The following SLC25A21 variants were observed in gnomAD, a reference collection of about 807,000 sequenced individuals.
SLC25A21 encodes the protein solute carrier family 25 member 21, also known as mitochondrial 2-oxodicarboxylate carrier.
SLC25A21 carries 47 observed loss-of-function variants against 43.8 expected under a neutral mutation model. The observed-to-expected ratio is 1.07, with a 90% CI of 0.85 to 1.37. SLC25A21 has a LOEUF of 1.37. SLC25A21 is among the 40% of genes most tolerant of loss of function. The pLI, the probability that SLC25A21 is intolerant of heterozygous loss-of-function variation, is 0.00. For synonymous variants in SLC25A21, 131 were observed against 121.3 expected, an observed-to-expected ratio of 1.08 and a Z score of -0.52; for missense variants, 352 against 350.2, an observed-to-expected ratio of 1.00 and a Z score of -0.04.
intron 3 of SLC25A21, among the ~76,000 whole-genome samples, chr14:36,803,150 T>C (rs1261175344): frequency 6.6e-6 from 1 of 152,168 alleles, no homozygotes; most frequent in East Asian, 1.9e-4. Flanking sequence ...TATCTCAGAT[T>C]CTGTGGAAAA....
chr14:36,801,285 G>A (rs1233160046), intron 3 of SLC25A21, among the ~76,000 whole-genome samples: 2 of 152,132 alleles, frequency 1.3e-5, no homozygotes, highest in Non-Finnish European at 2.9e-5. Context: ...CTCAAGAGTT[G>A]GCAAATGCCT....
chr14:36,956,315 G>GA (rs1959340568), intron 1 of SLC25A21, among the ~76,000 whole-genome samples: 1 of 152,288 alleles, frequency 6.6e-6, no homozygotes, highest in East Asian at 1.9e-4. Flanking sequence ...TTATTTATGT[G>GA]AAGCTGGTTA....
intron 4 of SLC25A21, among the ~76,000 whole-genome samples, chr14:36,733,993 T>G (rs1276240845): frequency 6.6e-6 from 1 of 152,160 alleles, no homozygotes; most frequent in African/African-American, 2.4e-5. Flanking sequence ...AATAGAGAAT[T>G]TTAACAGAGG....
chr14:37,058,818 C>A (rs192675276), intron 1 of SLC25A21, among the ~76,000 whole-genome samples: 2 of 152,254 alleles, frequency 1.3e-5, no homozygotes, highest in African/African-American at 4.8e-5. Context: ...CAGGAATGTA[C>A]AAAGTGGCAC....
intron 1 of SLC25A21, among the ~76,000 whole-genome samples, chr14:37,087,880 C>G (rs1035606923): frequency 2.0e-5 from 3 of 152,196 alleles, no homozygotes; most frequent in Non-Finnish European, 4.4e-5. Flanking sequence ...CCAAACACAT[C>G]ACCATTGTGT....
chr14:36,934,109 G>A (rs904606492), intron 1 of SLC25A21, among the ~76,000 whole-genome samples: 7 of 151,876 alleles, frequency 4.6e-5, no homozygotes, highest in Middle Eastern at 3.4e-3. Context: ...CCAAAACAGC[G>A]TTTTTATAAT....
At chr14:36,991,038 A>G (rs1049409891) in intron 1 of SLC25A21, among the ~76,000 whole-genome samples, 8 of 152,192 alleles carry the variant, frequency 5.3e-5, no homozygotes, top group African/African-American at 1.9e-4. Flanking sequence ...TTTCCCTTCC[A>G]ATGGACTCAT....
chr14:36,830,045 G>A (rs1888979381), intron 2 of SLC25A21, among the ~76,000 whole-genome samples: 1 of 151,904 alleles, frequency 6.6e-6, no homozygotes, highest in African/African-American at 2.4e-5. Context: ...CAGAATCCAA[G>A]TTATTACATT....
At chr14:36,727,602 C>T (rs1487084696) in intron 5 of SLC25A21, among the ~76,000 whole-genome samples, 1 of 152,078 alleles carries the variant, frequency 6.6e-6, no homozygotes, top group East Asian at 1.9e-4. Flanking sequence ...GCAGGAGAAT[C>T]ACTGGAACCC....
Position 36,684,910 on chromosome 14 carries a change from A to G in SLC25A21, c.619T>C (p.Phe207Leu), listed in dbSNP as rs1882468272. Residue 207 changes from phenylalanine (F) to leucine (L), a missense_variant, in exon 8 of 10, where the codon TTT (phenylalanine) becomes CTT (leucine). Physicochemically the swap from Phe to Leu is conservative, Grantham distance 22 (BLOSUM62 0). Coordinates refer to ENST00000331299, the MANE Select transcript of SLC25A21 (RefSeq NM_030631.4). ...AGACCAATCCCAAATTTTCTCCAAA[A>G]CTCCAAGATTGGATCCTAAAAGAAA... Reference protein sequence around the residue: ...IPVNKDPILEFWRKFGIGLLS... With the variant: ...IPVNKDPILELWRKFGIGLLS... 1 of 1,609,082 alleles carries G rather than the reference A, an allele frequency of 6.2e-7. No individual in the cohort carries two copies. Among genetic ancestry groups the G allele is most frequent in the Non-Finnish European group, 8.5e-7 (1 of 1,178,714 alleles).
intron 1 of SLC25A21, among the ~76,000 whole-genome samples, chr14:36,908,047 AAG>A (rs1474932104): frequency 6.6e-6 from 1 of 152,156 alleles, no homozygotes; most frequent in Non-Finnish European, 1.5e-5. Flanking sequence ...AGAACAGACA[AAG>A]AGTGAATTTC....
intron 1 of SLC25A21, among the ~76,000 whole-genome samples, chr14:37,092,651 C>T (rs1264488875): frequency 6.6e-6 from 1 of 152,102 alleles, no homozygotes; most frequent in African/African-American, 2.4e-5. Flanking sequence ...TCTGGGAGAA[C>T]TATGGTGGAG....
At chr14:37,030,424 T>C (rs1249411627) in intron 1 of SLC25A21, among the ~76,000 whole-genome samples, 1 of 152,192 alleles carries the variant, frequency 6.6e-6, no homozygotes, top group African/African-American at 2.4e-5. Context: ...TTACTCATGA[T>C]ATTCCTCCAC....
In SLC25A21 at chr14:36,833,307, T is replaced by G. The variant is rs1048917466; in HGVS notation, c.120-19306A>C. Among the ~76,000 whole-genome samples, 6 of 152,226 alleles carry G rather than the reference T, an allele frequency of 3.9e-5. No individual in the cohort carries two copies. The South Asian group carries it at 1.0e-3, about 26-fold the overall frequency. On this transcript the variant is annotated intron_variant, in intron 2 of 9. Coordinates refer to ENST00000331299, the MANE Select transcript of SLC25A21 (RefSeq NM_030631.4). ...CTAATTTGAAGCAGTTCCCTTGTGA[T>G]GCCAGGAAGGCAGCTTCTGGGGCAG... is the stretch of plus-strand genomic sequence containing the variant.
chr14:37,027,998 T>C (rs1302786324), intron 1 of SLC25A21, among the ~76,000 whole-genome samples: 1 of 152,210 alleles, frequency 6.6e-6, no homozygotes, highest in African/African-American at 2.4e-5. Flanking sequence ...AATTACATTA[T>C]AGTAATAATC....
chr14:37,060,710 G>A (rs1029021422), intron 1 of SLC25A21, among the ~76,000 whole-genome samples: 3 of 152,066 alleles, frequency 2.0e-5, no homozygotes, highest in African/African-American at 7.2e-5. Context: ...AACCTCGGAA[G>A]ACAGGCTCCA....
chr14:36,966,972 T>C (rs1385372334), intron 1 of SLC25A21, among the ~76,000 whole-genome samples: 1 of 152,242 alleles, frequency 6.6e-6, no homozygotes. Flanking sequence ...TATACTTTAT[T>C]TCTCTATATA....
intron 1 of SLC25A21, among the ~76,000 whole-genome samples, chr14:36,990,657 G>A (rs1960243109): frequency 6.6e-6 from 1 of 152,116 alleles, no homozygotes; most frequent in Non-Finnish European, 1.5e-5. Context: ...TGGGAGAATA[G>A]CTTGAGTCCA....
intron 1 of SLC25A21, among the ~76,000 whole-genome samples, chr14:36,916,809 C>T (rs940544386): frequency 4.6e-5 from 7 of 151,988 alleles, no homozygotes; most frequent in African/African-American, 7.2e-5. Context: ...TCCACCTGGA[C>T]GTTATATGGG....
Sources: gnomAD v4.1 joint callset for allele counts (sites outside exome capture counted in the v4.1 genomes callset) on GRCh38, gnomAD v4.1.1 for gene constraint, MANE v1.5 for transcripts, NCBI Gene and HGNC (gene_info 2026-07-23, HGNC 2026-07-21) for gene names.